Variants in JAKMIP3 observed in about 807,000 individuals in gnomAD.
JAKMIP3 encodes the protein janus kinase and microtubule-interacting protein 3.
Under a neutral mutation model 118.5 loss-of-function variants are expected in JAKMIP3, and 58 were observed. That is an observed-to-expected ratio of 0.49 (90% CI 0.40 to 0.61). The LOEUF (loss-of-function observed/expected upper bound fraction) is 0.61, where lower values mean the gene tolerates loss of function less well. Among genes scored for constraint, JAKMIP3 ranks in the 20% least tolerant of loss-of-function variants. JAKMIP3 has a pLI of 0.00. For synonymous variants in JAKMIP3, 486 were observed against 451.2 expected (o/e 1.08, Z -0.98); for missense variants, 950 against 1,109.0 (o/e 0.86, Z 2.04).
intron 1 of JAKMIP3, among the ~76,000 whole-genome samples, chr10:132,068,883 T>C (rs1333445667): frequency 1.3e-5 from 2 of 152,088 alleles, no homozygotes; most frequent in African/African-American, 4.8e-5. Flanking sequence ...GCACAGAGAA[T>C]TGGTCTCCAG....
At chr10:132,120,645 G>A (rs1370722717) in intron 3 of JAKMIP3, among the ~76,000 whole-genome samples, 1 of 152,228 alleles carries the variant, frequency 6.6e-6, no homozygotes, top group Non-Finnish European at 1.5e-5. Flanking sequence ...GTGCCCTGAG[G>A]GTGTCAGCTG....
chr10:132,093,149 C>T (rs984919461), intron 1 of JAKMIP3, among the ~76,000 whole-genome samples: 1 of 152,156 alleles, frequency 6.6e-6, no homozygotes, highest in Non-Finnish European at 1.5e-5. Context: ...CAGAGGGGTG[C>T]CCGGCCGTGT....
At chr10:132,081,609 G>A (rs2041770515) in intron 1 of JAKMIP3, among the ~76,000 whole-genome samples, 4 of 152,174 alleles carry the variant, frequency 2.6e-5, no homozygotes, top group African/African-American at 7.2e-5. Context: ...GAGATGGGTA[G>A]TGCGAGGCCT....
At chr10:132,107,841 C>T (rs1183269102) in intron 2 of JAKMIP3, among the ~76,000 whole-genome samples, 1 of 152,248 alleles carries the variant, frequency 6.6e-6, no homozygotes, top group African/African-American at 2.4e-5. Flanking sequence ...TCTTGGACTA[C>T]ATGCAAAAGA....
intron 21 of JAKMIP3, among the ~76,000 whole-genome samples, chr10:132,166,330 G>GA (rs1383244669): frequency 3.3e-5 from 5 of 151,932 alleles, no homozygotes; most frequent in Non-Finnish European, 7.4e-5. Context: ...TGTCTCCAAA[G>GA]AAAAAAATAG....
At chr10:132,180,572 T>TGTGC (rs1554962835) in intron 23 of JAKMIP3, among the ~76,000 whole-genome samples, 1 of 29,442 alleles carries the variant, frequency 3.4e-5, no homozygotes, top group African/African-American at 1.9e-4. Context: ...TGTGTGCGTG[T>TGTGC]GTGTGTGCGT....
chr10:132,073,493 C>CTT (rs59985814), intron 1 of JAKMIP3, among the ~76,000 whole-genome samples: 32 of 134,874 alleles, frequency 2.4e-4, no homozygotes, highest in Non-Finnish European at 4.4e-4. Flanking sequence ...CCTATCTTTA[C>CTT]TTTTTTTTTT....
chr10:132,154,099 G>GGGCCCCTAAT (rs1328789757), intron 19 of JAKMIP3, 109 bp downstream of exon 19: 1 of 935,016 alleles, frequency 1.1e-6, no homozygotes, highest in Non-Finnish European at 1.7e-6. Context: ...CCAGGTCGCA[G>GGGCCCCTAAT]GGCCCCTAAT....
intron 9 of JAKMIP3, among the ~76,000 whole-genome samples, chr10:132,140,143 C>A (rs2818388): frequency 0.098 from 14,956 of 152,282 alleles, 820 homozygotes; most frequent in Middle Eastern, 0.18. Context: ...TCTGTTAACC[C>A]GGGTACCACC....
chr10:132,164,622 T>A (rs916015576), intron 20 of JAKMIP3, 48 bp from the exon 21 acceptor site: 1 of 1,248,968 alleles, frequency 8.0e-7, no homozygotes, highest in Admixed American at 1.9e-5. Flanking sequence ...GATTTGGGTT[T>A]CCCGAGTACT....
At chr10:132,177,852 T>G (rs1321302075) in intron 23 of JAKMIP3, among the ~76,000 whole-genome samples, 2 of 149,020 alleles carry the variant, frequency 1.3e-5, no homozygotes, top group Non-Finnish European at 3.0e-5. Flanking sequence ...CCCTGGGTAG[T>G]GTGCGTGTGT....
In JAKMIP3 at chr10:132,117,211, G is replaced by A. The variant is rs1456106127; in HGVS notation, c.270G>A (p.Val90=). ...HEEKMKELQA[V]RETLLRQHEA... is the part of the protein sequence containing the mutation. Reference sequence around the variant, plus strand: ...AGAAGATGAAGGAGCTACAGGCTGTGCGTGAGACGCTGCTGCGGCAGCATG... The same window carrying A: ...AGAAGATGAAGGAGCTACAGGCTGTACGTGAGACGCTGCTGCGGCAGCATG... Residue 90 remains valine (V), a synonymous_variant, in exon 3 of 24, where the codon GTG becomes GTA. Transcript: ENST00000684848. The surrounding 1 kb of genome is among the most constrained non-coding windows in gnomAD (Gnocchi z 8.6). 1 of 1,613,908 alleles carries A rather than the reference G, an allele frequency of 6.2e-7. No individual in the cohort carries two copies. Among genetic ancestry groups the A allele is most frequent in the African/African-American group, 1.3e-5 (1 of 74,942 alleles).
upstream of JAKMIP3, among the ~76,000 whole-genome samples, chr10:132,060,582 C>T (rs906191110): frequency 6.6e-6 from 1 of 152,174 alleles, no homozygotes; most frequent in African/African-American, 2.4e-5. Context: ...GGCTATCTCG[C>T]ATGAATTTGC....
At chr10:132,090,762 G>T (rs911761721) in intron 1 of JAKMIP3, among the ~76,000 whole-genome samples, 2 of 152,054 alleles carry the variant, frequency 1.3e-5, no homozygotes, top group African/African-American at 4.8e-5. Flanking sequence ...GAATGTGTTT[G>T]CCCTTGCTTC....
rs980284099 is a variant in JAKMIP3 at position 132,149,342 on chromosome 10, C to A, written c.1849-70C>A. 4.1e-5 allele frequency: 43 copies of A among 1,052,742 alleles called. No individual in the cohort carries two copies. In the African/African-American group the frequency reaches 5.5e-4, roughly 13 times the overall value. 65.2% of individuals were successfully genotyped at this position (1,052,742 alleles called of 1,614,324 possible). A position where few individuals can be genotyped will look rare whatever the true frequency, so the allele number is the denominator to read the frequency against. On this transcript the variant is annotated intron_variant, in intron 14 of 23. Coordinates refer to ENST00000684848, the MANE Select transcript of JAKMIP3 (RefSeq NM_001323087.2). ...ATGGTCTTGGCCCGTGTTCCTCAGG[C>A]CCCAGCACAGTCCTCTTAGAGGGAA...
At chr10:132,069,274 GT>G (rs1373026384) in intron 1 of JAKMIP3, among the ~76,000 whole-genome samples, 1 of 152,126 alleles carries the variant, frequency 6.6e-6, no homozygotes, top group Non-Finnish European at 1.5e-5. Flanking sequence ...CAGGGGAGGG[GT>G]CTGGAGGCCT....
At chr10:132,144,977 A>G in intron 11 of JAKMIP3, 130 bp from the exon 12 acceptor site, 7 of 700,298 alleles carry the variant, frequency 1.0e-5, no homozygotes, top group Non-Finnish European at 1.7e-5. Context: ...TCTCTTCCAA[A>G]GGAAGGGCGA....
chr10:132,079,013 A>G (rs1346459996), intron 1 of JAKMIP3, among the ~76,000 whole-genome samples: 1 of 152,088 alleles, frequency 6.6e-6, no homozygotes, highest in Non-Finnish European at 1.5e-5. Flanking sequence ...GGCGCATGGG[A>G]GTGACCCAAA....
At chr10:132,152,778 C>T (rs888809735) in intron 16 of JAKMIP3, among the ~76,000 whole-genome samples, 180 bp from the exon 17 acceptor site, 1 of 152,162 alleles carries the variant, frequency 6.6e-6, no homozygotes, top group Non-Finnish European at 1.5e-5. Flanking sequence ...GGAACAAGCT[C>T]AAGTCAAGGG....
Sources: allele counts gnomAD v4.1 joint callset (sites outside exome capture counted in the v4.1 genomes callset), GRCh38; gene constraint gnomAD v4.1.1; non-coding constraint Gnocchi (gnomAD v3.1); transcripts MANE v1.5; gene names NCBI Gene and HGNC (gene_info 2026-07-23, HGNC 2026-07-21).